Variants in ARG1 observed in about 807,000 individuals in gnomAD.
ARG1 encodes arginase-1.
In ARG1, 20 loss-of-function variants were observed where a neutral mutation model predicts 33.0. The ratio of observed to expected loss-of-function variants is 0.61; its 90% CI spans 0.43 to 0.88. ARG1 has a LOEUF of 0.88. ARG1 is among the 40% of genes least tolerant of loss of function. The pLI is 0.00. For missense variants in ARG1, 374 were observed against 384.7 expected, an observed-to-expected ratio of 0.97 and a Z score of 0.23; for synonymous variants, 146 against 140.6, an observed-to-expected ratio of 1.04 and a Z score of -0.27.
At chr6:131,575,158 A>G (rs1773553545) in intron 1 of ARG1, among the ~76,000 whole-genome samples, 1 of 152,216 alleles carries the variant, frequency 6.6e-6, no homozygotes. Flanking sequence ...TGGCTGTGTT[A>G]TAGCAAATAT....
chr6:131,577,886 A>AGAGC lies in ARG1; in HGVS notation c.130+1155_130+1158dup, dbSNP rs536524212. On this transcript the variant is annotated intron_variant, in intron 2 of 7. Transcript: ENST00000368087. Reference sequence around the variant, plus strand: ...GCCACTGCACCCCAACCTGGGCGACAGAGCGAGACTCCATCTCCAAAAAAA... The same window carrying AGAGC: ...GCCACTGCACCCCAACCTGGGCGACAGAGCGAGCGAGACTCCATCTCCAAAAAAA... 2.0e-3 allele frequency among the ~76,000 whole-genome samples: 299 copies of AGAGC among 150,860 alleles called. 1 individual carries two copies. The highest frequency in any genetic ancestry group is 3.5e-3 in the Non-Finnish European group (236 of 67,754).
At chr6:131,573,471 G>C (rs1773472993) in intron 1 of ARG1, 132 bp downstream of exon 1, 1 of 835,306 alleles carries the variant, frequency 1.2e-6, no homozygotes, top group African/African-American at 1.7e-5. Context: ...ATATTTTAAA[G>C]TCCTCTCACC....
intron 1 of ARG1, among the ~76,000 whole-genome samples, chr6:131,575,075 C>A (rs1773549949): frequency 6.6e-6 from 1 of 152,022 alleles, no homozygotes; most frequent in Non-Finnish European, 1.5e-5. Flanking sequence ...GCAGATAGAG[C>A]AAGCAAGAGG....
rs537322176 is a variant in ARG1, at chr6:131,584,325, C to G, written c.*417C>G. ...ATTTTTTATAATAAACTCTTTATAA[C>G]AAGATTATATTGTGTCTACATATTT... On this transcript the variant is annotated 3_prime_UTR_variant, in exon 8 of 8. Transcript: ENST00000368087. 3 of 192,050 alleles carry G rather than the reference C, an allele frequency of 1.6e-5. No individual in the cohort carries two copies. The highest frequency in any genetic ancestry group is 3.2e-5 in the Non-Finnish European group (3 of 93,548). 11.9% of individuals were successfully genotyped at this position (192,050 alleles called of 1,614,324 possible).
At position 131,583,852 on chromosome 6, in the gene ARG1, G is replaced by C. The variant is rs866970619; in HGVS notation, c.913G>C (p.Gly305Arg). The C allele has an allele frequency of 5.6e-6, 9 of 1,613,956 alleles. No homozygotes were observed. The highest frequency in any genetic ancestry group is 1.3e-5 in the African/African-American group (1 of 74,926). Residue 305 changes from glycine to arginine, a missense_variant, in exon 8 of 8, where the codon GGA becomes CGA. Transcript: ENST00000368087. ...AGTTGCAATAACCTTGGCTTGTTTCGGACTTGCTCGGGAGGGTAATCACAA... is the reference window on the plus strand; with the variant it reads ...AGTTGCAATAACCTTGGCTTGTTTCCGACTTGCTCGGGAGGGTAATCACAA... ...TAVAITLACF[G>R]LAREGNHKPI...
Position 131,583,931 on chromosome 6 carries a change from T to C in ARG1, c.*23T>C, listed in dbSNP as rs1003113919. The C allele has an allele frequency of 1.9e-6, 3 of 1,611,002 alleles. No homozygotes were observed. Among genetic ancestry groups the C allele is most frequent in the Admixed American group, 1.7e-5 (1 of 60,014 alleles). ...TAAATGTGGAAACATCCGATATAAA[T>C]CTCATAGTTAATGGCATAATTAGAA... On this transcript the variant is annotated 3_prime_UTR_variant, in exon 8 of 8. Coordinates refer to ENST00000368087, the MANE Select transcript of ARG1 (RefSeq NM_000045.4).
chr6:131,580,179 T>C (rs960538610), intron 3 of ARG1, among the ~76,000 whole-genome samples: 1 of 152,192 alleles, frequency 6.6e-6, no homozygotes, highest in Non-Finnish European at 1.5e-5. Flanking sequence ...TCTATGGCTC[T>C]TGAGCAGTCA....
chr6:131,583,714 A>G, intron 7 of ARG1, 28 bp from the exon 8 acceptor site: 2 of 1,606,550 alleles, frequency 1.2e-6, no homozygotes, highest in Non-Finnish European at 1.7e-6. Flanking sequence ...TATTTTATAA[A>G]TTACATTATT....
intron 4 of ARG1, among the ~76,000 whole-genome samples, chr6:131,581,845 A>G (rs1773942340): frequency 6.6e-6 from 1 of 152,230 alleles, no homozygotes; most frequent in African/African-American, 2.4e-5. Context: ...ATAATGGTTT[A>G]TGAACTAATG....
Position 131,578,968 on chromosome 6 carries a change from T to G in ARG1, c.131-143T>G, listed in dbSNP as rs900757382. 1.8e-5 allele frequency: 17 copies of G among 928,918 alleles called. No homozygotes were observed. The African/African-American group carries it at 2.0e-4, about 11-fold the overall frequency. The allele number at this position is 928,918 out of a possible 1,614,324, so 57.5% of individuals were successfully genotyped here. On this transcript the variant is annotated intron_variant, in intron 2 of 7. Coordinates refer to ENST00000368087, the MANE Select transcript of ARG1 (RefSeq NM_000045.4). ...AAGCAAAAGCAGACATGGGTCTACC[T>G]TCCCAAGATTTACAGACCTTTCAGG...
intron 2 of ARG1, among the ~76,000 whole-genome samples, chr6:131,577,082 C>T (rs1773651607): frequency 6.6e-6 from 1 of 152,080 alleles, no homozygotes; most frequent in Admixed American, 6.6e-5. Flanking sequence ...AAGAGGACCC[C>T]TATTTGTGAA....
In ARG1 at chr6:131,582,962, G is replaced by A. The variant is rs1774011180; in HGVS notation, c.561-98G>A. The A allele has an allele frequency of 1.5e-5, 14 of 913,840 alleles. 1 individual carries two copies. The South Asian group carries it at 1.6e-4, about 11-fold the overall frequency. The allele number at this position is 913,840 out of a possible 1,614,324, so 56.6% of individuals were successfully genotyped here. A position where few individuals can be genotyped will look rare whatever the true frequency, so the allele number is the denominator to read the frequency against. ...TGAGTTAGGTTCATAGAACCTAAAT[G>A]TTTTATATATTTTACTATATTTATA... On this transcript the variant is annotated intron_variant, in intron 5 of 7. Transcript: ENST00000368087.
chr6:131,579,509 A>G, intron 3 of ARG1: 1 of 428,220 alleles, frequency 2.3e-6, no homozygotes, highest in East Asian at 4.3e-5. Flanking sequence ...ACAGCAGAAA[A>G]TGTATGAAAT....
chr6:131,576,714 C>T lies in ARG1; in HGVS notation c.109C>T (p.Leu37Phe). Residue 37 changes from leucine (L) to phenylalanine (F), a missense_variant, in exon 2 of 8, where the codon CTT (leucine) becomes TTT (phenylalanine). Leu to Phe is a conservative substitution (Grantham distance 22, BLOSUM62 0). Coordinates refer to ENST00000368087, the MANE Select transcript of ARG1 (RefSeq NM_000045.4). ...TACAGTATTGAGAAAGGCTGGTCTGCTTGAGAAACTTAAAGAACAAGGTAA... is the reference window on the plus strand; with the variant it reads ...TACAGTATTGAGAAAGGCTGGTCTGTTTGAGAAACTTAAAGAACAAGGTAA... ...GPTVLRKAGL[L>F]EKLKEQECDV... The T allele has an allele frequency of 6.2e-7, 1 of 1,613,930 alleles. No homozygotes were observed. Among genetic ancestry groups the T allele is most frequent in the Non-Finnish European group, 8.5e-7 (1 of 1,179,882 alleles).
Position 131,581,289 on chromosome 6 carries a change from C to T in ARG1, c.376C>T (p.His126Tyr), listed in dbSNP as rs747268449. The change falls in exon 4 of 8, where the codon CAC becomes TAC. Residue 126 changes from histidine to tyrosine, a missense_variant. Physicochemically the swap from His to Tyr is moderately conservative, Grantham distance 83. Coordinates refer to ENST00000368087, the MANE Select transcript of ARG1 (RefSeq NM_000045.4). ...PDLGVIWVDA[H>Y]TDINTPLTTT... The stretch of plus-strand genomic sequence containing the variant: ...TCTTGGAGTCATCTGGGTGGATGCT[C>T]ACACTGATATCAACACTCCACTGAC... The T allele has an allele frequency of 3.7e-6, 6 of 1,613,884 alleles. No individual in the cohort carries two copies. Among genetic ancestry groups the T allele is most frequent in the Non-Finnish European group, 5.1e-6 (6 of 1,179,838 alleles).
In ARG1 at chr6:131,575,642, G is replaced by A. The variant is rs542572934; in HGVS notation, c.58-1021G>A. Among the ~76,000 whole-genome samples, 12 of 152,266 alleles carry A rather than the reference G, an allele frequency of 7.9e-5. No homozygotes were observed. In the Middle Eastern group the frequency reaches 0.01, roughly 129 times the overall value. On this transcript the variant is annotated intron_variant, in intron 1 of 7. Coordinates refer to ENST00000368087, the MANE Select transcript of ARG1 (RefSeq NM_000045.4). ...GCCCCAATCCTAAAGATAGACACACGTGTCTTTTAACACATTGTCTCATCT... is the reference window on the plus strand; with the variant it reads ...GCCCCAATCCTAAAGATAGACACACATGTCTTTTAACACATTGTCTCATCT...
chr6:131,577,999 T>G (rs1425617467), intron 2 of ARG1, among the ~76,000 whole-genome samples: 2 of 150,734 alleles, frequency 1.3e-5, no homozygotes, highest in Non-Finnish European at 2.9e-5. Context: ...AAAGACTACA[T>G]GTATGATTCC....
chr6:131,582,691 TGA>T lies in ARG1; in HGVS notation c.541_542del (p.Asp181ArgfsTer15). 1.9e-6 allele frequency: 3 copies of T among 1,613,826 alleles called. No individual in the cohort carries two copies. Among genetic ancestry groups the T allele is most frequent in the Non-Finnish European group, 2.5e-6 (3 of 1,179,802 alleles). ...GCCAAGGATATTGTGTATATTGGCT[TGA>T]GAGACGTGGACCCTGGGGAACAGTA... On this transcript the variant is annotated frameshift_variant, in exon 5 of 8. Coordinates refer to ENST00000368087, the MANE Select transcript of ARG1 (RefSeq NM_000045.4). LOFTEE classifies it high-confidence loss of function.
rs104893943 is a variant in ARG1, at chr6:131,581,326, G to T, written c.413G>T (p.Gly138Val). ...AACACTCCACTGACAACCACAAGTG[G>T]AAACTTGCATGGACAACCTGTATCT... is the stretch of plus-strand genomic sequence containing the variant. ...DINTPLTTTS[G>V]NLHGQPVSFL... The change falls in exon 4 of 8, where the codon GGA becomes GTA. Residue 138 changes from glycine to valine, a missense_variant. Physicochemically the swap from Gly to Val is moderately radical, Grantham distance 109. Coordinates refer to ENST00000368087, the MANE Select transcript of ARG1 (RefSeq NM_000045.4). 6.2e-7 allele frequency: 1 copy of T among 1,613,782 alleles called. No individual in the cohort carries two copies. Among genetic ancestry groups the T allele is most frequent in the African/African-American group, 1.3e-5 (1 of 74,910 alleles).
Sources: gnomAD v4.1 joint callset for allele counts (sites outside exome capture counted in the v4.1 genomes callset) on GRCh38, gnomAD v4.1.1 for gene constraint, MANE v1.5 for transcripts, NCBI Gene and HGNC (gene_info 2026-07-23, HGNC 2026-07-21) for gene names.